Variants in ADAMTSL1 observed in about 807,000 individuals in gnomAD.
ADAMTSL1 encodes ADAMTS like 1, also known as ADAMTS-like protein 1.
ADAMTSL1 carries 126 observed loss-of-function variants against 201.8 expected under a neutral mutation model. The observed-to-expected ratio is 0.62, with a 90% CI of 0.54 to 0.72. The LOEUF (loss-of-function observed/expected upper bound fraction) is 0.72, where lower values mean the gene tolerates loss of function less well. Ranked by LOEUF, ADAMTSL1 falls within the 30% of genes least tolerant of loss-of-function variation. The pLI, the probability that ADAMTSL1 is intolerant of heterozygous loss-of-function variation, is 0.00. For missense variants in ADAMTSL1, 2,679 were observed against 2,277.8 expected (o/e 1.18, Z -3.59); for synonymous variants, 1,121 against 903.4 (o/e 1.24, Z -4.32).
chr9:18,325,839 C>G (rs1834811295), intron 2 of ADAMTSL1, among the ~76,000 whole-genome samples: 1 of 151,942 alleles, frequency 6.6e-6, no homozygotes, highest in Non-Finnish European at 1.5e-5. Flanking sequence ...CCCCAGGATT[C>G]AAGCGATTCT....
chr9:17,980,346 T>G (rs989050227), intron 1 of ADAMTSL1, among the ~76,000 whole-genome samples: 9 of 152,146 alleles, frequency 5.9e-5, no homozygotes, highest in Admixed American at 5.9e-4. Context: ...TTATTCTGCA[T>G]TTTCCATCTT....
intron 7 of ADAMTSL1, among the ~76,000 whole-genome samples, chr9:18,656,053 C>A (rs1306197439): frequency 6.6e-6 from 1 of 151,892 alleles, no homozygotes; most frequent in African/African-American, 2.4e-5. Flanking sequence ...AGGTCAAAAT[C>A]CCAGGGTATG....
At chr9:18,879,696 T>C (rs1828405510) in intron 23 of ADAMTSL1, among the ~76,000 whole-genome samples, 2 of 152,248 alleles carry the variant, frequency 1.3e-5, no homozygotes. Context: ...AGTCTAATCT[T>C]TTTGCTGGTG....
intron 1 of ADAMTSL1, among the ~76,000 whole-genome samples, chr9:17,954,730 T>C (rs1440265205): frequency 6.6e-6 from 1 of 152,114 alleles, no homozygotes; most frequent in African/African-American, 2.4e-5. Flanking sequence ...AGACCAGAGT[T>C]TTAGTCTAAG....
intron 26 of ADAMTSL1, among the ~76,000 whole-genome samples, chr9:18,904,336 G>C (rs1441429444): frequency 6.6e-6 from 1 of 151,980 alleles, no homozygotes; most frequent in Non-Finnish European, 1.5e-5. Context: ...GGGTGTGATG[G>C]CACATGCCTG....
intron 7 of ADAMTSL1, among the ~76,000 whole-genome samples, chr9:18,649,984 G>A (rs1828107645): frequency 6.6e-6 from 1 of 152,192 alleles, no homozygotes; most frequent in African/African-American, 2.4e-5. Flanking sequence ...TCTGTGCCCT[G>A]CCATCAGAGG....
chr9:18,432,536 C>T (rs1421605708), intron 2 of ADAMTSL1, among the ~76,000 whole-genome samples: 1 of 152,156 alleles, frequency 6.6e-6, no homozygotes, highest in Non-Finnish European at 1.5e-5. Flanking sequence ...TTACATTATT[C>T]TATCTTTCCC....
intron 2 of ADAMTSL1, among the ~76,000 whole-genome samples, chr9:18,360,877 G>A (rs1262464176): frequency 6.6e-6 from 1 of 152,008 alleles, no homozygotes; most frequent in African/African-American, 2.4e-5. Flanking sequence ...CCAGAAAAAT[G>A]GACTCCAAAA....
At chr9:18,088,286 A>T (rs1823855543) in intron 1 of ADAMTSL1, among the ~76,000 whole-genome samples, 1 of 152,212 alleles carries the variant, frequency 6.6e-6, no homozygotes, top group Non-Finnish European at 1.5e-5. Context: ...TGGAAACTGA[A>T]AAATCTGTAG....
intron 23 of ADAMTSL1, among the ~76,000 whole-genome samples, chr9:18,834,495 A>C (rs1206527023): frequency 6.6e-6 from 1 of 152,210 alleles, no homozygotes; most frequent in African/African-American, 2.4e-5. Flanking sequence ...TATATAATAC[A>C]TATTTAAAGT....
chr9:18,478,242 G>A (rs1380745479), intron 1 of ADAMTSL1, among the ~76,000 whole-genome samples: 1 of 152,088 alleles, frequency 6.6e-6, no homozygotes, highest in African/African-American at 2.4e-5. Flanking sequence ...AGTTACTCAT[G>A]TTTTTTAAAA....
chr9:18,018,318 A>T (rs776604618), intron 1 of ADAMTSL1, among the ~76,000 whole-genome samples: 4 of 152,066 alleles, frequency 2.6e-5, no homozygotes, highest in Non-Finnish European at 5.9e-5. Context: ...AGACTCTGAG[A>T]CAGTGTAGCA....
intron 2 of ADAMTSL1, among the ~76,000 whole-genome samples, chr9:18,304,171 A>T (rs1833815235): frequency 6.6e-6 from 1 of 151,526 alleles, no homozygotes; most frequent in South Asian, 2.1e-4. Context: ...GTTACAGAAC[A>T]CTTTGTTCAA....
intron 23 of ADAMTSL1, among the ~76,000 whole-genome samples, chr9:18,874,606 C>G (rs2131476071): frequency 6.6e-6 from 1 of 152,236 alleles, no homozygotes; most frequent in African/African-American, 2.4e-5. Context: ...TAAACCATGC[C>G]TGCATCCCTG....
intron 2 of ADAMTSL1, among the ~76,000 whole-genome samples, chr9:18,414,876 C>T (rs1563945061): frequency 6.6e-6 from 1 of 152,136 alleles, no homozygotes; most frequent in Non-Finnish European, 1.5e-5. Flanking sequence ...AGAGGAATAC[C>T]GAGCACTCCC....
rs369961930 is a variant in ADAMTSL1 at position 18,574,135 on chromosome 9, C to T, written c.343C>T (p.Pro115Ser). The T allele has an allele frequency of 6.9e-5, 112 of 1,613,892 alleles. No homozygotes were observed. Among genetic ancestry groups the T allele is most frequent in the Non-Finnish European group, 2.5e-6 (3 of 1,180,018 alleles). ...TGAATGGCTTCCTGTGTCTAATGAC[C>T]CTGACAACCCATGTTCACTCAAGTG... ...FYEWLPVSND[P>S]DNPCSLKCQA... Residue 115 changes from proline to serine, a missense_variant, in exon 4 of 29, where the codon CCT (proline) becomes TCT (serine). Coordinates refer to ENST00000380548, the MANE Select transcript of ADAMTSL1 (RefSeq NM_001040272.6).
At chr9:18,695,968 G>C (rs984749590) in intron 13 of ADAMTSL1, among the ~76,000 whole-genome samples, 4 of 152,200 alleles carry the variant, frequency 2.6e-5, no homozygotes, top group East Asian at 1.9e-4. Context: ...TGATGGAAGA[G>C]AAGGGGAAGC....
intron 19 of ADAMTSL1, among the ~76,000 whole-genome samples, chr9:18,791,375 T>C (rs978622094): frequency 2.0e-5 from 3 of 152,228 alleles, no homozygotes; most frequent in Non-Finnish European, 2.9e-5. Context: ...AAAGGACTTA[T>C]GTCTTAGTGG....
At chr9:18,205,197 T>C in intron 2 of ADAMTSL1, among the ~76,000 whole-genome samples, 1 of 152,190 alleles carries the variant, frequency 6.6e-6, no homozygotes, top group East Asian at 1.9e-4. Context: ...TTGATTTTAC[T>C]ATGTTAAAAC....
Sources: allele counts gnomAD v4.1 joint callset (sites outside exome capture counted in the v4.1 genomes callset), GRCh38; gene constraint gnomAD v4.1.1; transcripts MANE v1.5; gene names NCBI Gene and HGNC (gene_info 2026-07-23, HGNC 2026-07-21).